SLC25A51: variants seen among roughly 807,000 people sequenced by gnomAD.
The protein encoded by SLC25A51 is mitochondrial nicotinamide adenine dinucleotide transporter SLC25A51.
In SLC25A51, 11 loss-of-function variants were observed where a neutral mutation model predicts 19.1. The ratio of observed to expected loss-of-function variants is 0.58; its 90% CI spans 0.36 to 0.96. The LOEUF is 0.96. Ranked by LOEUF, SLC25A51 falls within the 40% of genes least tolerant of loss-of-function variation. The pLI, the probability that SLC25A51 is intolerant of heterozygous loss-of-function variation, is 0.01. For synonymous variants in SLC25A51, 105 were observed against 133.6 expected (o/e 0.79, Z 1.47); for missense variants, 201 against 365.4 (o/e 0.55, Z 3.67).
intron 2 of SLC25A51, among the ~76,000 whole-genome samples, chr9:37,889,187 G>A (rs1000859552): frequency 6.6e-6 from 1 of 151,986 alleles, no homozygotes; most frequent in Non-Finnish European, 1.5e-5. Context: ...CACTATATAC[G>A]GTATCTATCT....
intron 2 of SLC25A51, among the ~76,000 whole-genome samples, chr9:37,893,045 T>C (rs1831634310): frequency 6.6e-6 from 1 of 151,946 alleles, no homozygotes; most frequent in Non-Finnish European, 1.5e-5. Context: ...TGGCCCAATT[T>C]TTGTATTTTT....
Position 37,887,680 on chromosome 9 carries a change from C to T in SLC25A51, c.871G>A (p.Glu291Lys). The change falls in exon 3 of 3, where the codon GAG becomes AAG. Residue 291 changes from glutamate to lysine, a missense_variant. By Grantham distance (56) the Glu-to-Lys change is moderately conservative (BLOSUM62 1). Coordinates refer to ENST00000242275, the MANE Select transcript of SLC25A51 (RefSeq NM_033412.4). Reference protein sequence around the residue: ...ISWGIINATYEFLLKVI With the variant: ...ISWGIINATYKFLLKVI Reference sequence around the variant, plus strand: ...TTTCATATAACCTTTAACAAGAACTCATAAGTTGCATTGATTATGCCCCAA... The same window carrying T: ...TTTCATATAACCTTTAACAAGAACTTATAAGTTGCATTGATTATGCCCCAA... 4 of 1,611,456 alleles carry T rather than the reference C, an allele frequency of 2.5e-6. No individual in the cohort carries two copies. Among genetic ancestry groups the T allele is most frequent in the Non-Finnish European group, 3.4e-6 (4 of 1,179,100 alleles).
At chr9:37,894,412 C>T (rs1236648040) in intron 2 of SLC25A51, among the ~76,000 whole-genome samples, 1 of 151,642 alleles carries the variant, frequency 6.6e-6, no homozygotes, top group African/African-American at 2.4e-5. Flanking sequence ...CTGCAACCTC[C>T]ACCTCCTGGG....
chr9:37,903,008 G>A (rs1291916054), intron 1 of SLC25A51, among the ~76,000 whole-genome samples: 1 of 152,170 alleles, frequency 6.6e-6, no homozygotes, highest in Non-Finnish European at 1.5e-5. Flanking sequence ...CCAATATAAA[G>A]ACAAAGCAAT....
chr9:37,895,866 C>A lies in SLC25A51; in HGVS notation c.-43+3963G>T, dbSNP rs117432942. On this transcript the variant is annotated intron_variant, in intron 2 of 2. Coordinates refer to ENST00000242275, the MANE Select transcript of SLC25A51 (RefSeq NM_033412.4). Reference sequence around the variant, plus strand: ...TCTCACTCTATCATCTAGGATAGAGCGCAGAGGCATGATCTCGGCTCACTG... The same window carrying A: ...TCTCACTCTATCATCTAGGATAGAGAGCAGAGGCATGATCTCGGCTCACTG... Among the ~76,000 whole-genome samples the A allele has an allele frequency of 4.7e-3, 707 of 150,170 alleles. 13 individuals are homozygous for A. Among genetic ancestry groups the A allele is most frequent in the Admixed American group, 0.039 (591 of 15,034 alleles).
chr9:37,896,187 A>C (rs189746529), intron 2 of SLC25A51, among the ~76,000 whole-genome samples: 99 of 152,300 alleles, frequency 6.5e-4, no homozygotes, highest in Non-Finnish European at 1.0e-3. Context: ...GACTGCCAAC[A>C]TCACTGATGA....
rs1415252549 is a variant in SLC25A51, at chr9:37,904,090, G to A, written c.-187C>T. On this transcript the variant is annotated 5_prime_UTR_variant, in exon 1 of 3. Transcript: ENST00000242275. ...CACCCATCAGCGCCGGCGTCCCGCA[G>A]GACGGCTAGCGAGCCGGGGCCCGCG... is the stretch of plus-strand genomic sequence containing the variant. The A allele has an allele frequency of 1.3e-5, 2 of 152,350 alleles. No individual in the cohort carries two copies. Among genetic ancestry groups the A allele is most frequent in the African/African-American group, 4.8e-5 (2 of 41,480 alleles). The allele number at this position is 152,350 out of a possible 1,614,324, so 9.4% of individuals were successfully genotyped here.
chr9:37,897,479 C>G (rs1831743261), intron 2 of SLC25A51, among the ~76,000 whole-genome samples: 1 of 152,122 alleles, frequency 6.6e-6, no homozygotes, highest in Non-Finnish European at 1.5e-5. Context: ...TGAATTCTTA[C>G]TATGTCTCAG....
chr9:37,881,810 A>G (rs1831354652), intron 2 of SLC25A51, among the ~76,000 whole-genome samples: 1 of 152,212 alleles, frequency 6.6e-6, no homozygotes, highest in Non-Finnish European at 1.5e-5. Context: ...TAAAAAGACT[A>G]ACAGATCAAT....
Position 37,888,446 on chromosome 9 carries a change from C to T in SLC25A51, c.105G>A (p.Leu35=). Residue 35 remains leucine (L), a synonymous_variant, in exon 3 of 3, where the codon TTG becomes TTA. Transcript: ENST00000242275. The part of the protein sequence containing the change: ...ITNVGEMKHY[L]CGCCAAFNNV... ...TGTTGAAGGCTGCACAGCAGCCACA[C>T]AAGTAATGCTTCATCTCACCAACAT... 2 of 1,614,252 alleles carry T rather than the reference C, an allele frequency of 1.2e-6. No homozygotes were observed. Among genetic ancestry groups the T allele is most frequent in the Non-Finnish European group, 8.5e-7 (1 of 1,180,042 alleles).
chr9:37,883,042 G>A (rs1281479809), downstream of SLC25A51, among the ~76,000 whole-genome samples: 1 of 152,068 alleles, frequency 6.6e-6, no homozygotes, highest in Non-Finnish European at 1.5e-5. Context: ...ATGGGGTTTC[G>A]CCATGTTGGC....
At chr9:37,900,241 G>A (rs1024186822) in intron 1 of SLC25A51, among the ~76,000 whole-genome samples, 3 of 151,792 alleles carry the variant, frequency 2.0e-5, no homozygotes, top group Admixed American at 6.6e-5. Flanking sequence ...ATGAGGTCAG[G>A]AAATCGAGAC....
chr9:37,885,916 G>A (rs1306252977), downstream of SLC25A51: 4 of 1,601,452 alleles, frequency 2.5e-6, no homozygotes, highest in Non-Finnish European at 3.4e-6. Context: ...AGTATATCAA[G>A]TACTTCAATG....
At chr9:37,884,441 A>G (rs1831407435), downstream of SLC25A51, among the ~76,000 whole-genome samples, 1 of 152,240 alleles carries the variant, frequency 6.6e-6, no homozygotes, top group African/African-American at 2.4e-5. Context: ...GGTTCCCAAA[A>G]TGTCAAAACC....
At position 37,903,158 on chromosome 9, in the gene SLC25A51, C is replaced by T. The variant is rs141698646; in HGVS notation, c.-165+910G>A. ...CAAAGCGGTAACCTGTGCTCTAAAC[C>T]ACTATGGGACCTCAAGAGTCCTAGC... is the stretch of plus-strand genomic sequence containing the variant. On this transcript the variant is annotated intron_variant, in intron 1 of 2. Transcript: ENST00000242275. 7.2e-5 allele frequency among the ~76,000 whole-genome samples: 11 copies of T among 152,262 alleles called. No individual in the cohort carries two copies. In the East Asian group the frequency reaches 1.5e-3, roughly 21 times the overall value.
At chr9:37,880,761 G>A (rs1359303321) in intron 3 of SLC25A51, 1 of 152,060 alleles carries the variant, frequency 6.6e-6, no homozygotes, top group Non-Finnish European at 1.5e-5. Flanking sequence ...AAATAAAAAA[G>A]TAAATAAATA....
At chr9:37,886,795 T>C (rs777764474), downstream of SLC25A51, among the ~76,000 whole-genome samples, 11 of 152,334 alleles carry the variant, frequency 7.2e-5, no homozygotes, top group Admixed American at 2.0e-4. Flanking sequence ...TGCTGGGGTA[T>C]AGAACGCTAA....
chr9:37,898,637 G>A (rs1161030881), intron 2 of SLC25A51, among the ~76,000 whole-genome samples: 2 of 151,958 alleles, frequency 1.3e-5, no homozygotes, highest in Non-Finnish European at 2.9e-5. Context: ...GAGAATTGCC[G>A]GAACCCAGGA....
intron 2 of SLC25A51, among the ~76,000 whole-genome samples, chr9:37,897,185 T>G (rs1274904178): frequency 6.6e-6 from 1 of 152,154 alleles, no homozygotes; most frequent in African/African-American, 2.4e-5. Context: ...CATCTATGTA[T>G]TTCACCTTTT....
Sources: gnomAD v4.1 joint callset for allele counts (sites outside exome capture counted in the v4.1 genomes callset) on GRCh38, gnomAD v4.1.1 for gene constraint, MANE v1.5 for transcripts, NCBI Gene and HGNC (gene_info 2026-07-23, HGNC 2026-07-21) for gene names.